The following AGBL1 variants were observed in gnomAD, a reference collection of about 807,000 sequenced individuals.
The protein encoded by AGBL1 is cytosolic carboxypeptidase 4.
A neutral mutation model predicts 118.9 loss-of-function variants in AGBL1; 130 were observed. The ratio of observed to expected loss-of-function variants is 1.09; its 90% CI spans 0.95 to 1.26. The LOEUF is 1.26. AGBL1 is among the 50% of genes most tolerant of loss of function. The pLI is 0.00. For synonymous variants in AGBL1, 555 were observed against 478.9 expected, an observed-to-expected ratio of 1.16 and a Z score of -2.08; for missense variants, 1,584 against 1,298.1, an observed-to-expected ratio of 1.22 and a Z score of -3.38.
chr15:86,254,698 A>C (rs1382035018), intron 7 of AGBL1, among the ~76,000 whole-genome samples: 5 of 151,844 alleles, frequency 3.3e-5, no homozygotes, highest in African/African-American at 1.2e-4. Context: ...TCTTTTTTTG[A>C]TGCAAAGCAC....
intron 18 of AGBL1, among the ~76,000 whole-genome samples, chr15:86,519,164 G>T (rs548291783): frequency 5.3e-5 from 8 of 152,044 alleles, no homozygotes; most frequent in African/African-American, 1.7e-4. Flanking sequence ...ATCAAAATTC[G>T]TGGATGCTCA....
At chr15:86,231,932 A>C (rs939799513) in intron 6 of AGBL1, among the ~76,000 whole-genome samples, 1 of 152,238 alleles carries the variant, frequency 6.6e-6, no homozygotes, top group Admixed American at 6.5e-5. Flanking sequence ...AACATGGTCC[A>C]TGCCTTGTAG....
At chr15:86,974,759 C>T (rs1383631806) in intron 23 of AGBL1, among the ~76,000 whole-genome samples, 1 of 151,332 alleles carries the variant, frequency 6.6e-6, no homozygotes, top group Non-Finnish European at 1.5e-5. Flanking sequence ...TTTGAATTTC[C>T]ACTCTGAGCC....
chr15:86,360,319 CTTT>C (rs570573457), intron 17 of AGBL1, among the ~76,000 whole-genome samples: 2 of 136,020 alleles, frequency 1.5e-5, no homozygotes, highest in Admixed American at 7.3e-5. Flanking sequence ...GGGTTTTTTC[CTTT>C]TTTTTTTTTT....
In AGBL1 at chr15:86,390,388, A is replaced by C. The variant is rs150091591; in HGVS notation, c.2375-6978A>C. 5.7e-3 allele frequency among the ~76,000 whole-genome samples: 869 copies of C among 152,228 alleles called. 6 individuals are homozygous for C. Among genetic ancestry groups the C allele is most frequent in the African/African-American group, 0.018 (746 of 41,544 alleles). The stretch of plus-strand genomic sequence containing the variant: ...ACAATATGAGAAATATGACTAACAA[A>C]CTTGACCTAATTGGTGTATATGGGA... On this transcript the variant is annotated intron_variant, in intron 17 of 22. Coordinates refer to ENST00000614907, the MANE Select transcript of AGBL1 (RefSeq NM_001386094.1).
intron 22 of AGBL1, among the ~76,000 whole-genome samples, chr15:86,681,935 A>G (rs1354160601): frequency 6.6e-6 from 1 of 152,188 alleles, no homozygotes; most frequent in African/African-American, 2.4e-5. Context: ...TGGTTTCCAT[A>G]AAGATCCCAT....
chr15:86,378,046 G>A (rs917365071), intron 17 of AGBL1, among the ~76,000 whole-genome samples: 1 of 152,058 alleles, frequency 6.6e-6, no homozygotes, highest in Non-Finnish European at 1.5e-5. Flanking sequence ...TACAAACCTG[G>A]GCTTCATGCT....
chr15:86,271,443 G>A (rs2079160395), intron 14 of AGBL1, among the ~76,000 whole-genome samples, 176 bp from the exon 15 acceptor site: 1 of 152,104 alleles, frequency 6.6e-6, no homozygotes. Flanking sequence ...GGCTCACCAG[G>A]ATAATCACCC....
rs536918617 is a variant in AGBL1, at chr15:86,961,996, T to C, written c.3222-25991T>C. ...GCCTGGATGTGAGGATAAATAATCA[T>C]TTCTCCCCACAAAACACTAAACAAA... On this transcript the variant is annotated intron_variant, in intron 23 of 24. Coordinates refer to the AGBL1 transcript ENST00000441037. Among the ~76,000 whole-genome samples the C allele has an allele frequency of 2.0e-5, 3 of 152,234 alleles. No homozygotes were observed. The South Asian group carries it at 6.2e-4, about 32-fold the overall frequency.
intron 21 of AGBL1, among the ~76,000 whole-genome samples, chr15:86,576,511 G>A (rs28696067): frequency 0.02 from 3,054 of 152,262 alleles, 120 homozygotes; most frequent in African/African-American, 0.07. Context: ...TTGATTGGCC[G>A]AAACCAGCCA....
At chr15:86,363,830 C>G (rs2080840620) in intron 17 of AGBL1, among the ~76,000 whole-genome samples, 1 of 152,116 alleles carries the variant, frequency 6.6e-6, no homozygotes, top group African/African-American at 2.4e-5. Flanking sequence ...GATAACCCTC[C>G]CCCTGCCCCA....
chr15:86,208,554 G>A (rs947784206), intron 5 of AGBL1, among the ~76,000 whole-genome samples: 1 of 152,140 alleles, frequency 6.6e-6, no homozygotes, highest in Non-Finnish European at 1.5e-5. Context: ...TTGGGAGGGT[G>A]CATATGTCCA....
intron 22 of AGBL1, among the ~76,000 whole-genome samples, chr15:86,877,461 G>A (rs141935405): frequency 4.6e-5 from 7 of 152,298 alleles, no homozygotes; most frequent in African/African-American, 1.4e-4. Context: ...GAGATGAGAG[G>A]ATGAACTCAG....
At chr15:86,349,812 C>G (rs1203993098) in intron 17 of AGBL1, among the ~76,000 whole-genome samples, 1 of 152,168 alleles carries the variant, frequency 6.6e-6, no homozygotes, top group Non-Finnish European at 1.5e-5. Context: ...ATAGAAGAAG[C>G]ATGGCCTATT....
At chr15:86,422,183 C>G in intron 18 of AGBL1, among the ~76,000 whole-genome samples, 1 of 152,112 alleles carries the variant, frequency 6.6e-6, no homozygotes, top group Non-Finnish European at 1.5e-5. Context: ...CAAAAATTGA[C>G]CACATAATTG....
rs549640879 is a variant in AGBL1 at position 86,881,100 on chromosome 15, T to A, written c.3159-25987T>A. Among the ~76,000 whole-genome samples the A allele has an allele frequency of 1.0e-3, 154 of 152,288 alleles. 1 individual carries two copies. Among genetic ancestry groups the A allele is most frequent in the South Asian group, 6.4e-3 (31 of 4,826 alleles). ...CATGGCGGGCAGTTCTCATCTCACC[T>A]CCTTCCTCACCAGACATGCTAAGTT... On this transcript the variant is annotated intron_variant, in intron 22 of 22. Transcript: ENST00000614907.
rs116159371 is a variant in AGBL1, at chr15:86,199,299, A to G, written c.489-25615A>G. On this transcript the variant is annotated intron_variant, in intron 5 of 22. Transcript: ENST00000614907. Reference sequence around the variant, plus strand: ...AAGTGGTTTCCACACTTATCTGAACATGAAACATCTCATATTATATATATA... The same window carrying G: ...AAGTGGTTTCCACACTTATCTGAACGTGAAACATCTCATATTATATATATA... 4.0e-3 allele frequency among the ~76,000 whole-genome samples: 607 copies of G among 152,358 alleles called. 7 individuals are homozygous for G. The highest frequency in any genetic ancestry group is 0.014 in the African/African-American group (572 of 41,582).
intron 18 of AGBL1, among the ~76,000 whole-genome samples, chr15:86,435,666 G>A (rs2081992723): frequency 6.6e-6 from 1 of 152,094 alleles, no homozygotes; most frequent in Admixed American, 6.5e-5. Flanking sequence ...TAGTATATAG[G>A]TGAAGCAAAT....
chr15:86,965,881 A>G (rs2081046820), intron 23 of AGBL1, among the ~76,000 whole-genome samples: 2 of 152,122 alleles, frequency 1.3e-5, no homozygotes, highest in Non-Finnish European at 2.9e-5. Context: ...GAGGGATAGC[A>G]TTAGGAGAAA....
Sources: gnomAD v4.1 joint callset for allele counts (sites outside exome capture counted in the v4.1 genomes callset) on GRCh38, gnomAD v4.1.1 for gene constraint, MANE v1.5 for transcripts, NCBI Gene and HGNC (gene_info 2026-07-23, HGNC 2026-07-21) for gene names.